The following SIPA1L1 variants were observed in gnomAD, a reference collection of about 807,000 sequenced individuals.
The protein encoded by SIPA1L1 is signal induced proliferation associated 1 like 1, also known as signal-induced proliferation-associated 1-like protein 1.
SIPA1L1 carries 26 observed loss-of-function variants against 162.7 expected under a neutral mutation model. That is an observed-to-expected ratio of 0.16 (90% CI 0.12 to 0.22). The LOEUF is 0.22. Ranked by LOEUF, SIPA1L1 falls within the 10% of genes least tolerant of loss-of-function variation. The probability of loss-of-function intolerance (pLI) is 1.00; values close to 1 mark genes in which losing one functional copy is unlikely to be tolerated. For missense variants in SIPA1L1, 1,874 were observed against 2,241.0 expected (o/e 0.84, Z 3.31); for synonymous variants, 829 against 837.4 (o/e 0.99, Z 0.17).
intron 4 of SIPA1L1, among the ~76,000 whole-genome samples, chr14:71,572,154 G>T (rs2032191086): frequency 2.6e-5 from 4 of 151,986 alleles, no homozygotes; most frequent in Admixed American, 2.6e-4. Context: ...TCCCATGATA[G>T]CCCATTAATC....
intron 13 of SIPA1L1, among the ~76,000 whole-genome samples, chr14:71,692,880 G>A (rs1430158445): frequency 6.6e-6 from 1 of 152,160 alleles, no homozygotes; most frequent in Non-Finnish European, 1.5e-5. Context: ...CACCAGGAGG[G>A]TAGGCTGTGC....
At chr14:71,561,523 T>A (rs981745168) in intron 4 of SIPA1L1, among the ~76,000 whole-genome samples, 10 of 152,198 alleles carry the variant, frequency 6.6e-5, no homozygotes, top group Admixed American at 6.5e-5. Flanking sequence ...CAATTAAAAA[T>A]TTTTTTGTTA....
intron 2 of SIPA1L1, among the ~76,000 whole-genome samples, chr14:71,466,637 C>T (rs2047019522): frequency 6.7e-6 from 1 of 150,172 alleles, no homozygotes. Flanking sequence ...GTCCTCATAG[C>T]AGCGTTATAT....
At position 71,624,217 on chromosome 14, in the gene SIPA1L1, T is replaced by C; in HGVS notation, c.1799T>C (p.Met600Thr). 2 of 1,611,628 alleles carry C rather than the reference T, an allele frequency of 1.2e-6. No individual in the cohort carries two copies. The highest frequency in any genetic ancestry group is 1.7e-6 in the Non-Finnish European group (2 of 1,178,488). ...ACACCCAAGGTCACAGAGCAGCTCA[T>C]GAAACTGGATGAACAAGGGGTGAGT... ...FNTPKVTEQL[M>T]KLDEQGLNYQ... Residue 600 changes from methionine (M) to threonine (T), a missense_variant, in exon 7 of 24, where the codon ATG becomes ACG. Met to Thr is a moderately conservative substitution (Grantham distance 81). Transcript: ENST00000381232.
At chr14:71,547,424 G>T (rs1334433214) in intron 4 of SIPA1L1, among the ~76,000 whole-genome samples, 1 of 150,118 alleles carries the variant, frequency 6.7e-6, no homozygotes, top group African/African-American at 2.5e-5. Flanking sequence ...CTCCCAAGTA[G>T]CTGGGATTAC....
At chr14:71,547,147 A>C (rs1432431387) in intron 4 of SIPA1L1, among the ~76,000 whole-genome samples, 1 of 151,854 alleles carries the variant, frequency 6.6e-6, no homozygotes, top group African/African-American at 2.4e-5. Context: ...GATTTTTAGA[A>C]ATTCTATGGA....
intron 2 of SIPA1L1, among the ~76,000 whole-genome samples, chr14:71,402,902 G>T (rs1342353767): frequency 6.6e-6 from 1 of 152,122 alleles, no homozygotes; most frequent in Non-Finnish European, 1.5e-5. Context: ...AATAGTATTT[G>T]TGGTTATTGA....
intron 10 of SIPA1L1, among the ~76,000 whole-genome samples, chr14:71,667,934 G>A (rs1204402573): frequency 2.6e-5 from 4 of 151,914 alleles, no homozygotes; most frequent in Admixed American, 6.6e-5. Context: ...GCGAGATGGC[G>A]GGCCCCTGTA....
At chr14:71,496,395 G>A (rs2049784548) in intron 2 of SIPA1L1, among the ~76,000 whole-genome samples, 1 of 152,002 alleles carries the variant, frequency 6.6e-6, no homozygotes, top group Non-Finnish European at 1.5e-5. Flanking sequence ...TTGTTTGGAT[G>A]TTATTGTTTG....
chr14:71,474,733 T>G (rs2047715115), intron 2 of SIPA1L1, among the ~76,000 whole-genome samples: 1 of 152,208 alleles, frequency 6.6e-6, no homozygotes, highest in Non-Finnish European at 1.5e-5. Flanking sequence ...ATTGGTATCT[T>G]CGGGCTTCAC....
chr14:71,395,656 G>A (rs1035827080), intron 2 of SIPA1L1, among the ~76,000 whole-genome samples: 3 of 152,148 alleles, frequency 2.0e-5, no homozygotes, highest in African/African-American at 7.2e-5. Flanking sequence ...GCAAGACCCT[G>A]TCTCTTGAAA....
intron 10 of SIPA1L1, among the ~76,000 whole-genome samples, chr14:71,662,521 C>T (rs1202410012): frequency 1.3e-5 from 2 of 152,176 alleles, no homozygotes. Context: ...GGTCACTTGC[C>T]TCAGGTTAGC....
Position 71,335,615 on chromosome 14 carries a change from C to G in SIPA1L1, c.-465+14434C>G, listed in dbSNP as rs371560399. 3.3e-5 allele frequency among the ~76,000 whole-genome samples: 5 copies of G among 152,206 alleles called. No homozygotes were observed. In the East Asian group the frequency reaches 5.8e-4, roughly 18 times the overall value. On this transcript the variant is annotated intron_variant, in intron 2 of 23. Coordinates refer to ENST00000381232, the MANE Select transcript of SIPA1L1 (RefSeq NM_001386936.1). ...TGGTAATCGCTTTAATAATGAAGGCCTCAGGGAGGTAGGAACCATGTTTTT... is the reference window on the plus strand; with the variant it reads ...TGGTAATCGCTTTAATAATGAAGGCGTCAGGGAGGTAGGAACCATGTTTTT...
intron 4 of SIPA1L1, among the ~76,000 whole-genome samples, chr14:71,544,057 A>G (rs1033659871): frequency 6.6e-6 from 1 of 151,350 alleles, no homozygotes; most frequent in African/African-American, 2.4e-5. Context: ...ACGCACATGT[A>G]TGTATATACA....
intron 3 of SIPA1L1, among the ~76,000 whole-genome samples, chr14:71,514,469 T>C (rs1365891958): frequency 2.0e-5 from 3 of 152,312 alleles, no homozygotes; most frequent in East Asian, 1.9e-4. Flanking sequence ...TGAGAACTTA[T>C]TAGGAAGCTG....
At chr14:71,413,522 G>A (rs2140347748) in intron 2 of SIPA1L1, among the ~76,000 whole-genome samples, 1 of 152,310 alleles carries the variant, frequency 6.6e-6, no homozygotes, top group Middle Eastern at 3.4e-3. Flanking sequence ...TGGATCACCT[G>A]AGGTGAGGAG....
intron 2 of SIPA1L1, among the ~76,000 whole-genome samples, chr14:71,370,466 T>G (rs2038779834): frequency 6.6e-6 from 1 of 152,164 alleles, no homozygotes; most frequent in Non-Finnish European, 1.5e-5. Flanking sequence ...TATTCTTGTT[T>G]CACTATTGGG....
intron 2 of SIPA1L1, among the ~76,000 whole-genome samples, chr14:71,454,646 G>A (rs1377729129): frequency 6.6e-6 from 1 of 152,178 alleles, no homozygotes; most frequent in Non-Finnish European, 1.5e-5. Flanking sequence ...TGGACACTTA[G>A]AAATTGGTGC....
intron 2 of SIPA1L1, among the ~76,000 whole-genome samples, chr14:71,507,522 C>G (rs1310369393): frequency 6.6e-6 from 1 of 152,072 alleles, no homozygotes; most frequent in African/African-American, 2.4e-5. Flanking sequence ...TTACAGTGGA[C>G]CATGATCTCT....
Sources: allele counts gnomAD v4.1 joint callset (sites outside exome capture counted in the v4.1 genomes callset), GRCh38; gene constraint gnomAD v4.1.1; transcripts MANE v1.5; gene names NCBI Gene and HGNC (gene_info 2026-07-23, HGNC 2026-07-21).